The following EPC1 variants were observed in gnomAD, a reference collection of about 807,000 sequenced individuals.
EPC1 encodes enhancer of polycomb homolog 1.
In EPC1, 12 loss-of-function variants were observed where a neutral mutation model predicts 98.4. The observed-to-expected ratio is 0.12, with a 90% CI of 0.08 to 0.20. The LOEUF is 0.20. Among genes scored for constraint, EPC1 ranks in the 10% least tolerant of loss-of-function variants. EPC1 has a pLI of 1.00. For synonymous variants in EPC1, 357 were observed against 363.9 expected (o/e 0.98, Z 0.21); for missense variants, 729 against 990.5 (o/e 0.74, Z 3.54).
chr10:32,375,163 T>C (rs1349193695), intron 1 of EPC1, among the ~76,000 whole-genome samples: 1 of 152,084 alleles, frequency 6.6e-6, no homozygotes, highest in African/African-American at 2.4e-5. Context: ...GAGGTAAATA[T>C]GCATGAGAAG....
At chr10:32,378,271 T>C (rs1839910340) in intron 1 of EPC1, among the ~76,000 whole-genome samples, 1 of 151,844 alleles carries the variant, frequency 6.6e-6, no homozygotes, top group Admixed American at 6.6e-5. Context: ...GTAATTAAAG[T>C]ATAATTTATA....
At chr10:32,351,143 A>G (rs1839098212), upstream of EPC1, among the ~76,000 whole-genome samples, 1 of 152,202 alleles carries the variant, frequency 6.6e-6, no homozygotes, top group African/African-American at 2.4e-5. Context: ...GCATGTCACC[A>G]AGTCAGTGTG....
upstream of EPC1, among the ~76,000 whole-genome samples, chr10:32,349,830 C>T (rs980912851): frequency 6.6e-6 from 1 of 152,140 alleles, no homozygotes. Context: ...GAGCTCCTGA[C>T]CTCAAGCAGT....
intron 1 of EPC1, among the ~76,000 whole-genome samples, chr10:32,320,394 G>C (rs1836834737): frequency 6.6e-6 from 1 of 152,032 alleles, no homozygotes. Flanking sequence ...ACTGTTCTCT[G>C]AAAAGCAGTT....
At chr10:32,352,558 A>T (rs1839146020) in intron 1 of EPC1, among the ~76,000 whole-genome samples, 1 of 152,112 alleles carries the variant, frequency 6.6e-6, no homozygotes, top group Admixed American at 6.5e-5. Context: ...CCCATGAAAC[A>T]TTGACTACTT....
chr10:32,378,284 A>G (rs937579578), intron 1 of EPC1, among the ~76,000 whole-genome samples: 2 of 151,278 alleles, frequency 1.3e-5, no homozygotes, highest in African/African-American at 4.8e-5. Flanking sequence ...AATTTATATT[A>G]TAAACATTTA....
At chr10:32,354,191 A>T (rs751561586) in intron 1 of EPC1, among the ~76,000 whole-genome samples, 8 of 152,246 alleles carry the variant, frequency 5.3e-5, no homozygotes, top group Non-Finnish European at 1.2e-4. Context: ...TATCAATCTT[A>T]GCAAACAGTA....
rs957527902 is a variant in EPC1, at chr10:32,268,849, G to A, written c.*214C>T. On this transcript the variant is annotated 3_prime_UTR_variant, in exon 14 of 14. Coordinates refer to ENST00000319778, the MANE Select transcript of EPC1 (RefSeq NM_001272004.3). ...TATTACAAATATGCAGTACTGTACA[G>A]ATAATTGCTGTATTCTTAATTTACA... 4 of 476,314 alleles carry A rather than the reference G, an allele frequency of 8.4e-6. No homozygotes were observed. Among genetic ancestry groups the A allele is most frequent in the Admixed American group, 3.7e-5 (1 of 26,932 alleles). The allele number at this position is 476,314 out of a possible 1,614,324, so 29.5% of individuals were successfully genotyped here.
chr10:32,339,548 GTAA>G lies in EPC1; in HGVS notation c.153+7212_153+7214del, dbSNP rs201176757. 7.9e-5 allele frequency among the ~76,000 whole-genome samples: 12 copies of G among 152,018 alleles called. No homozygotes were observed. In the South Asian group the frequency reaches 8.3e-4, roughly 11 times the overall value. ...TGACAGAGTGAACTCTCTCTCAATA[GTAA>G]TAATAATAATAACAACCTAAGTTAA... is the stretch of plus-strand genomic sequence containing the variant. On this transcript the variant is annotated intron_variant, in intron 1 of 13. Transcript: ENST00000319778.
chr10:32,332,298 A>G (rs1837684290), intron 1 of EPC1, among the ~76,000 whole-genome samples: 1 of 152,198 alleles, frequency 6.6e-6, no homozygotes, highest in Non-Finnish European at 1.5e-5. Context: ...GGCAGAAGTA[A>G]GAGACAGCAT....
Position 32,271,761 on chromosome 10 carries a change from G to C in EPC1, c.2162C>G (p.Ser721Cys), listed in dbSNP as rs769387859. ...CCCAATCAGAACCTGAGTTGTTGCAGAATTGGCAGCAGTTACTTGATGACT... is the reference window on the plus strand; with the variant it reads ...CCCAATCAGAACCTGAGTTGTTGCACAATTGGCAGCAGTTACTTGATGACT... ...ALSHQVTAAN[S>C]ATTQVLIGNN... The change falls in exon 13 of 14, where the codon TCT (serine) becomes TGT (cysteine). Residue 721 changes from serine (S) to cysteine (C), a missense_variant. Physicochemically the swap from Ser to Cys is moderately radical, Grantham distance 112 (BLOSUM62 -1). Around this residue, in one of 6 missense-constraint regions of EPC1, gnomAD observed 156 missense variants for 188.9 expected, o/e 0.83. Transcript: ENST00000319778. 2.0e-5 allele frequency: 32 copies of C among 1,614,066 alleles called. No homozygotes were observed. The highest frequency in any genetic ancestry group is 2.4e-5 in the Non-Finnish European group (28 of 1,180,032).
rs60952915 is a variant in EPC1 at position 32,329,051 on chromosome 10, T to C, written c.153+17712A>G. On this transcript the variant is annotated intron_variant, in intron 1 of 13. Coordinates refer to ENST00000319778, the MANE Select transcript of EPC1 (RefSeq NM_001272004.3). ...TGTGAGAAGAAGGGTAAGCCAAACCTTGGCCTACTTGTTAATGTGGTTGTT... is the reference window on the plus strand; with the variant it reads ...TGTGAGAAGAAGGGTAAGCCAAACCCTGGCCTACTTGTTAATGTGGTTGTT... 5.9e-3 allele frequency among the ~76,000 whole-genome samples: 894 copies of C among 152,338 alleles called. 12 individuals carry two copies. Among genetic ancestry groups the C allele is most frequent in the African/African-American group, 0.02 (851 of 41,574 alleles).
intron 1 of EPC1, among the ~76,000 whole-genome samples, chr10:32,337,648 T>A (rs1838057821): frequency 1.3e-5 from 2 of 152,256 alleles, no homozygotes; most frequent in South Asian, 4.1e-4. Flanking sequence ...TTGTGCCTGA[T>A]GGAACTTTGT....
At chr10:32,322,340 T>C (rs979711027) in intron 1 of EPC1, among the ~76,000 whole-genome samples, 2 of 152,102 alleles carry the variant, frequency 1.3e-5, no homozygotes, top group African/African-American at 4.8e-5. Context: ...TATAATCTTT[T>C]TACAGAAAGT....
chr10:32,301,528 A>T (rs1383025148), intron 2 of EPC1, among the ~76,000 whole-genome samples: 1 of 152,234 alleles, frequency 6.6e-6, no homozygotes, highest in Non-Finnish European at 1.5e-5. Flanking sequence ...CTGATGTTAA[A>T]AATTACTATA....
chr10:32,298,871 C>T (rs1835326178), intron 2 of EPC1, among the ~76,000 whole-genome samples: 2 of 152,154 alleles, frequency 1.3e-5, no homozygotes, highest in African/African-American at 4.8e-5. Context: ...AGAAAATAAT[C>T]TTTCAGAATC....
At chr10:32,372,246 A>G (rs978918226) in intron 1 of EPC1, among the ~76,000 whole-genome samples, 11 of 152,176 alleles carry the variant, frequency 7.2e-5, no homozygotes, top group African/African-American at 1.4e-4. Context: ...CTGTGTTTCA[A>G]TAAGCCCTCC....
chr10:32,268,846 A>G lies in EPC1; in HGVS notation c.*217T>C. ...GGGTATTACAAATATGCAGTACTGT[A>G]CAGATAATTGCTGTATTCTTAATTT... is the stretch of plus-strand genomic sequence containing the variant. On this transcript the variant is annotated 3_prime_UTR_variant, in exon 14 of 14. Coordinates refer to ENST00000319778, the MANE Select transcript of EPC1 (RefSeq NM_001272004.3). 1 of 460,646 alleles carries G rather than the reference A, an allele frequency of 2.2e-6. No individual in the cohort carries two copies. Among genetic ancestry groups the G allele is most frequent in the Non-Finnish European group, 3.9e-6 (1 of 254,642 alleles). 28.5% of individuals were successfully genotyped at this position (460,646 alleles called of 1,614,324 possible).
chr10:32,277,686 A>C (rs1452190962), intron 10 of EPC1, among the ~76,000 whole-genome samples: 1 of 152,052 alleles, frequency 6.6e-6, no homozygotes, highest in Non-Finnish European at 1.5e-5. Context: ...TCAGCCTCCC[A>C]AGTAGCTCTA....
Sources: gnomAD v4.1 joint callset for allele counts (sites outside exome capture counted in the v4.1 genomes callset) on GRCh38, gnomAD v4.1.1 for gene constraint, gnomAD v4.1.1 regional missense constraint, MANE v1.5 for transcripts, NCBI Gene and HGNC (gene_info 2026-07-23, HGNC 2026-07-21) for gene names.